LGALS8: variants seen among roughly 807,000 people sequenced by gnomAD.
The protein encoded by LGALS8 is galectin 8.
In LGALS8, 30 loss-of-function variants were observed where a neutral mutation model predicts 35.9. The observed-to-expected ratio is 0.83, with a 90% CI of 0.62 to 1.13. LGALS8 has a LOEUF of 1.13. Among genes scored for constraint, LGALS8 ranks in the 50% most tolerant of loss-of-function variants. The pLI, the probability that LGALS8 is intolerant of heterozygous loss-of-function variation, is 0.00. For synonymous variants in LGALS8, 138 were observed against 136.1 expected, an observed-to-expected ratio of 1.01 and a Z score of -0.10; for missense variants, 366 against 388.7, an observed-to-expected ratio of 0.94 and a Z score of 0.49.
intron 2 of LGALS8, among the ~76,000 whole-genome samples, chr1:236,534,435 C>T (rs933029711): frequency 8.5e-5 from 13 of 152,104 alleles, no homozygotes; most frequent in African/African-American, 3.1e-4. Flanking sequence ...GTATTGTCTC[C>T]AGTGTGATCA....
At chr1:236,536,589 C>G (rs1447119656) in intron 2 of LGALS8, 4 of 152,280 alleles carry the variant, frequency 2.6e-5, no homozygotes, top group South Asian at 2.1e-4. Context: ...CCACAGGCAC[C>G]CACTCATCCT....
intron 2 of LGALS8, among the ~76,000 whole-genome samples, chr1:236,532,998 G>A (rs768168568): frequency 2.0e-5 from 3 of 152,198 alleles, no homozygotes; most frequent in African/African-American, 2.4e-5. Context: ...TGTCCTTATC[G>A]TTTCACGCCA....
upstream of LGALS8, chr1:236,523,168 G>A (rs1660605326): frequency 6.6e-6 from 1 of 152,160 alleles, no homozygotes; most frequent in African/African-American, 2.4e-5. Flanking sequence ...AGGGCCCTGA[G>A]AAGTCGGGTA....
chr1:236,537,797 A>AT (rs1403960071), intron 3 of LGALS8, among the ~76,000 whole-genome samples: 7 of 91,122 alleles, frequency 7.7e-5, no homozygotes, highest in Non-Finnish European at 1.7e-4. Flanking sequence ...TGATTTCAGT[A>AT]TAAAAAATTA....
At chr1:236,538,101 A>AAAAAAAAAAAAAG (rs371245157) in intron 3 of LGALS8, among the ~76,000 whole-genome samples, 1,493 of 95,836 alleles carry the variant, frequency 0.016, 164 homozygotes, top group African/African-American at 0.047. Flanking sequence ...AAAAAAAAGA[A>AAAAAAAAAAAAAG]AAAGAAAAAG....
chr1:236,530,938 T>C (rs1290502771), intron 2 of LGALS8, among the ~76,000 whole-genome samples: 1 of 152,234 alleles, frequency 6.6e-6, no homozygotes. Context: ...TTTAGAAATA[T>C]ATCCTTCCTG....
upstream of LGALS8, chr1:236,523,857 G>T (rs1455277198): frequency 2.9e-6 from 1 of 347,354 alleles, no homozygotes; most frequent in South Asian, 2.1e-5. Flanking sequence ...CAGCAGAGCC[G>T]CCAGGGACGC....
At position 236,551,521 on chromosome 1, in the gene LGALS8, A is replaced by G. The variant is rs1662743720; in HGVS notation, c.*3360A>G. On this transcript the variant is annotated 3_prime_UTR_variant, in exon 10 of 10. Transcript: ENST00000366584. ...GTTTCTTCCTTTGTAAAACAGAGAT[A>G]AAATGTTGTGGTTTTTAAGTGAGAT... The G allele has an allele frequency of 6.3e-6, 1 of 158,598 alleles. No individual in the cohort carries two copies. Among genetic ancestry groups the G allele is most frequent in the African/African-American group, 2.4e-5 (1 of 41,580 alleles). 9.8% of individuals were successfully genotyped at this position (158,598 alleles called of 1,614,324 possible).
At chr1:236,527,487 CT>C (rs544422110) in intron 2 of LGALS8, among the ~76,000 whole-genome samples, 2 of 151,994 alleles carry the variant, frequency 1.3e-5, no homozygotes, top group African/African-American at 2.4e-5. Context: ...TGGCAAATAG[CT>C]TTTTTTTCTT....
intron 2 of LGALS8, among the ~76,000 whole-genome samples, chr1:236,530,416 C>T (rs1030461186): frequency 4.2e-4 from 64 of 152,320 alleles, no homozygotes; most frequent in African/African-American, 1.5e-3. Context: ...CTCACTAAGG[C>T]TCTGCCCTCT....
intron 4 of LGALS8, 32 bp from the exon 5 acceptor site, chr1:236,540,532 C>A: frequency 1.3e-6 from 2 of 1,488,798 alleles, no homozygotes; most frequent in South Asian, 2.7e-5. Flanking sequence ...TTTTTGGTGG[C>A]GGGGGGGGCT....
chr1:236,520,355 T>A (rs1317767168), upstream of LGALS8, among the ~76,000 whole-genome samples: 7 of 146,740 alleles, frequency 4.8e-5, no homozygotes, highest in Admixed American at 4.9e-4. Context: ...AGTCTAAAAG[T>A]CACCAATGTA....
chr1:236,540,449 G>A, intron 4 of LGALS8, 115 bp from the exon 5 acceptor site: 1 of 1,230,710 alleles, frequency 8.1e-7, no homozygotes, highest in African/African-American at 1.5e-5. Flanking sequence ...GTGGAGACCT[G>A]TGGGAACAGG....
chr1:236,520,866 C>G (rs1281355608), upstream of LGALS8, among the ~76,000 whole-genome samples: 1 of 152,216 alleles, frequency 6.6e-6, no homozygotes, highest in Non-Finnish European at 1.5e-5. Context: ...AATGCATTCT[C>G]AAGACCCTCA....
At chr1:236,523,760 C>T, upstream of LGALS8, 1 of 329,282 alleles carries the variant, frequency 3.0e-6, no homozygotes, top group Non-Finnish European at 6.0e-6. Flanking sequence ...GCTCGTCCCA[C>T]AGCAAGCCAG....
intron 9 of LGALS8, 158 bp downstream of exon 9, chr1:236,545,073 G>T: frequency 1.8e-6 from 1 of 541,590 alleles, no homozygotes; most frequent in Admixed American, 3.3e-5. Context: ...TTATAACGTG[G>T]GCAATCAGTA....
At chr1:236,536,478 G>C (rs1469605687) in intron 2 of LGALS8, 1 of 152,456 alleles carries the variant, frequency 6.6e-6, no homozygotes, top group Non-Finnish European at 1.5e-5. Context: ...TGGGCAGTGA[G>C]GGTGCAGGTT....
At chr1:236,525,370 G>A (rs1660757135) in intron 1 of LGALS8, 2 of 151,962 alleles carry the variant, frequency 1.3e-5, no homozygotes, top group Admixed American at 6.6e-5. Flanking sequence ...AATTGTACGG[G>A]ACTGTTTGAT....
Position 236,550,024 on chromosome 1 carries a change from CT to C in LGALS8, c.*1866del. ...CATTCTACGGGATGTTCTTAGATGC[CT>C]TTAAAAAGGGGGCAGATCTAATTTT... On this transcript the variant is annotated 3_prime_UTR_variant, in exon 10 of 10. Transcript: ENST00000366584. The C allele has an allele frequency of 6.6e-6, 1 of 152,220 alleles. No homozygotes were observed. The highest frequency in any genetic ancestry group is 2.4e-5 in the African/African-American group (1 of 41,532). The allele number at this position is 152,220 out of a possible 1,614,324, so 9.4% of individuals were successfully genotyped here.
Sources: gnomAD v4.1 joint callset for allele counts (sites outside exome capture counted in the v4.1 genomes callset) on GRCh38, gnomAD v4.1.1 for gene constraint, MANE v1.5 for transcripts, NCBI Gene and HGNC (gene_info 2026-07-23, HGNC 2026-07-21) for gene names.